The following SAMD8 variants were observed in gnomAD, a reference collection of about 807,000 sequenced individuals.
SAMD8 encodes sterile alpha motif domain containing 8.
SAMD8 carries 20 observed loss-of-function variants against 42.0 expected under a neutral mutation model. The ratio of observed to expected loss-of-function variants is 0.48; its 90% CI spans 0.34 to 0.69. The LOEUF (loss-of-function observed/expected upper bound fraction) is 0.69, where lower values mean the gene tolerates loss of function less well. SAMD8 is among the 30% of genes least tolerant of loss of function. The pLI, the probability that SAMD8 is intolerant of heterozygous loss-of-function variation, is 0.01. For missense variants in SAMD8, 328 were observed against 511.6 expected, an observed-to-expected ratio of 0.64 and a Z score of 3.46; for synonymous variants, 162 against 173.0, an observed-to-expected ratio of 0.94 and a Z score of 0.50.
At position 75,116,469 on chromosome 10, in the gene SAMD8, T is replaced by C. The variant is rs1361266495; in HGVS notation, c.-16+4747T>C. ...CAAGAGGTAGTAACATGAGTATCTG[T>C]TATCTTGATACTTGTTCTGTTGTCT... On this transcript the variant is annotated intron_variant, in intron 1 of 5. Coordinates refer to ENST00000542569, the MANE Select transcript of SAMD8 (RefSeq NM_001174156.2). 3.9e-5 allele frequency among the ~76,000 whole-genome samples: 6 copies of C among 152,178 alleles called. No individual in the cohort carries two copies. In the East Asian group the frequency reaches 1.2e-3, roughly 29 times the overall value.
At chr10:75,115,039 T>C (rs912405845) in intron 1 of SAMD8, among the ~76,000 whole-genome samples, 1 of 152,236 alleles carries the variant, frequency 6.6e-6, no homozygotes, top group African/African-American at 2.4e-5. Context: ...AGGACTATAC[T>C]ATTTCATTCC....
At chr10:75,133,598 G>C (rs1849321716) in intron 1 of SAMD8, among the ~76,000 whole-genome samples, 1 of 152,204 alleles carries the variant, frequency 6.6e-6, no homozygotes, top group African/African-American at 2.4e-5. Context: ...GTGTATGTCT[G>C]TGTGCATGCA....
At chr10:75,110,643 A>C (rs535247617), upstream of SAMD8, among the ~76,000 whole-genome samples, 1 of 152,334 alleles carries the variant, frequency 6.6e-6, no homozygotes, top group South Asian at 2.1e-4. Flanking sequence ...GTTTATGCCA[A>C]TGCTAGACCT....
At chr10:75,114,444 C>T (rs943767277) in intron 1 of SAMD8, among the ~76,000 whole-genome samples, 8 of 152,134 alleles carry the variant, frequency 5.3e-5, no homozygotes, top group Non-Finnish European at 8.8e-5. Flanking sequence ...TACCATAACC[C>T]CCCTTCTGCA....
chr10:75,167,189 CTTAAGT>C (rs1163573464), intron 3 of SAMD8, among the ~76,000 whole-genome samples: 6 of 152,080 alleles, frequency 3.9e-5, no homozygotes, highest in Non-Finnish European at 8.8e-5. Context: ...TGTTTTATAG[CTTAAGT>C]TTAAGTTAAG....
At chr10:75,099,633 C>G in exon 1 of SAMD8, 2 of 998,120 alleles carry the variant, frequency 2.0e-6, no homozygotes, top group Non-Finnish European at 2.6e-6. Flanking sequence ...TCCGGTCCCT[C>G]TAAACCCCCA....
intron 1 of SAMD8, among the ~76,000 whole-genome samples, chr10:75,133,336 G>T (rs970228532): frequency 2.6e-5 from 4 of 152,106 alleles, no homozygotes; most frequent in Non-Finnish European, 5.9e-5. Flanking sequence ...CTGACAAGCG[G>T]TGGTTGCAGT....
chr10:75,105,588 T>A (rs557899760), intron 1 of SAMD8: 1 of 1,376,960 alleles, frequency 7.3e-7, no homozygotes, highest in African/African-American at 1.4e-5. Context: ...AATCCAATCC[T>A]ATGTCTGCAG....
chr10:75,137,742 A>G (rs1257072526), intron 1 of SAMD8, among the ~76,000 whole-genome samples: 1 of 152,192 alleles, frequency 6.6e-6, no homozygotes, highest in African/African-American at 2.4e-5. Context: ...GTTATTGCTT[A>G]ATAGGTTACA....
intron 2 of SAMD8, among the ~76,000 whole-genome samples, chr10:75,160,051 A>AG (rs11378852): frequency 0.55 from 83,348 of 151,908 alleles, 24,564 homozygotes; most frequent in East Asian, 0.9. Context: ...AGGAAACAAA[A>AG]CACTATAAAA....
chr10:75,119,162 T>G lies in SAMD8; in HGVS notation c.-16+7440T>G, dbSNP rs533225913. 5.3e-5 allele frequency among the ~76,000 whole-genome samples: 8 copies of G among 152,246 alleles called. No homozygotes were observed. The South Asian group carries it at 1.7e-3, about 32-fold the overall frequency. ...AACTAAATCAGTAATGATTTGTTTT[T>G]TTTTTTTAATTTGAGACGGAGTTTC... On this transcript the variant is annotated intron_variant, in intron 1 of 5. Coordinates refer to ENST00000542569, the MANE Select transcript of SAMD8 (RefSeq NM_001174156.2).
At chr10:75,101,335 G>A (rs1006393555) in intron 1 of SAMD8, among the ~76,000 whole-genome samples, 1 of 152,160 alleles carries the variant, frequency 6.6e-6, no homozygotes, top group Admixed American at 6.5e-5. Flanking sequence ...CCCAATAAAT[G>A]GCACGTCTTA....
At chr10:75,148,345 G>GTTTTTTTTTTTTTTTTTTTTTT (rs1564686963) in intron 1 of SAMD8, among the ~76,000 whole-genome samples, 1 of 104,008 alleles carries the variant, frequency 9.6e-6, no homozygotes, top group African/African-American at 5.2e-5. Context: ...AGCAATACCA[G>GTTTTTTTTTTTTTTTTTTTTTT]CTTTTTTTTT....
intron 1 of SAMD8, among the ~76,000 whole-genome samples, chr10:75,143,550 GGTT>G (rs1273764711): frequency 4.0e-5 from 6 of 151,848 alleles, no homozygotes; most frequent in African/African-American, 9.7e-5. Context: ...TACGGTTTTA[GGTT>G]GTTGTTTTTT....
chr10:75,111,814 C>G, intron 1 of SAMD8, 92 bp downstream of exon 1: 2 of 1,225,034 alleles, frequency 1.6e-6, no homozygotes, highest in Non-Finnish European at 2.0e-6. Flanking sequence ...CGGGGGCTGC[C>G]GAGGGACCGC....
At chr10:75,168,960 C>G (rs1416782399) in intron 4 of SAMD8, among the ~76,000 whole-genome samples, 1 of 150,610 alleles carries the variant, frequency 6.6e-6, no homozygotes, top group Non-Finnish European at 1.5e-5. Flanking sequence ...ATCATGAGGT[C>G]AGAAGTTCAA....
At position 75,101,989 on chromosome 10, in the gene SAMD8, A is replaced by G. The variant is rs1848190219; in HGVS notation, c.-16+2261A>G. 3 of 1,359,276 alleles carry G rather than the reference A, an allele frequency of 2.2e-6. No homozygotes were observed. The East Asian group carries it at 1.4e-4, about 62-fold the overall frequency. The allele number at this position is 1,359,276 out of a possible 1,614,324, so 84.2% of individuals were successfully genotyped here. On this transcript the variant is annotated intron_variant, in intron 1 of 3. Transcript: ENST00000447533. ...ATTTTTTGATTTGAGTTTAATTATAAAGCATGCTGTCTACTCCCCTCTTCC... is the reference window on the plus strand; with the variant it reads ...ATTTTTTGATTTGAGTTTAATTATAGAGCATGCTGTCTACTCCCCTCTTCC...
intron 2 of SAMD8, among the ~76,000 whole-genome samples, chr10:75,160,066 AAC>A (rs1218200659): frequency 6.6e-6 from 1 of 152,230 alleles, no homozygotes; most frequent in African/African-American, 2.4e-5. Context: ...ATAAAAAGCA[AAC>A]ATAAATAATG....
chr10:75,153,174 G>T (rs1470468317), intron 2 of SAMD8, among the ~76,000 whole-genome samples: 1 of 151,948 alleles, frequency 6.6e-6, no homozygotes, highest in Non-Finnish European at 1.5e-5. Flanking sequence ...TAGAGACGAG[G>T]TTTCACAGTG....
Sources: allele counts gnomAD v4.1 joint callset (sites outside exome capture counted in the v4.1 genomes callset), GRCh38; gene constraint gnomAD v4.1.1; transcripts MANE v1.5; gene names NCBI Gene and HGNC (gene_info 2026-07-23, HGNC 2026-07-21).